Variants in BCAR3 observed in about 807,000 individuals in gnomAD.
BCAR3 encodes BCAR3 adaptor protein, NSP family member.
A neutral mutation model predicts 80.1 loss-of-function variants in BCAR3; 37 were observed. The ratio of observed to expected loss-of-function variants is 0.46; its 90% CI spans 0.36 to 0.61. The LOEUF is 0.61. BCAR3 is among the 20% of genes least tolerant of loss of function. The probability of loss-of-function intolerance (pLI) is 0.00; values close to 1 mark genes in which losing one functional copy is unlikely to be tolerated. For synonymous variants in BCAR3, 389 were observed against 418.9 expected (o/e 0.93, Z 0.87); for missense variants, 978 against 1,068.2 (o/e 0.92, Z 1.18).
chr1:93,836,944 A>C (rs2100843034), intron 2 of BCAR3, among the ~76,000 whole-genome samples: 1 of 151,442 alleles, frequency 6.6e-6, no homozygotes, highest in African/African-American at 2.4e-5. Context: ...TCCACTACCC[A>C]CCCAAATCCT....
In BCAR3 at chr1:93,561,885, T is replaced by A; in HGVS notation, c.*356A>T. 1.2e-5 allele frequency: 2 copies of A among 170,264 alleles called. No homozygotes were observed. Among genetic ancestry groups the A allele is most frequent in the Non-Finnish European group, 2.5e-5 (2 of 80,046 alleles). The allele number at this position is 170,264 out of a possible 1,614,324, so 10.5% of individuals were successfully genotyped here. A position where few individuals can be genotyped will look rare whatever the true frequency, so the allele number is the denominator to read the frequency against. On this transcript the variant is annotated 3_prime_UTR_variant, in exon 12 of 12. Transcript: ENST00000260502. ...AACTGATACCTTCTGAAATGTTTCATGCTTTTAAACTCTTCTATTTACACT... is the reference window on the plus strand; with the variant it reads ...AACTGATACCTTCTGAAATGTTTCAAGCTTTTAAACTCTTCTATTTACACT...
rs183855812 is a variant in BCAR3, at chr1:93,774,678, G to A, written c.-62-68536C>T. Among the ~76,000 whole-genome samples, 3 of 152,262 alleles carry A rather than the reference G, an allele frequency of 2.0e-5. No homozygotes were observed. In the East Asian group the frequency reaches 5.8e-4, roughly 29 times the overall value. ...GACCTGAAGTTATCTATCCCATTCA[G>A]GAGATCGTATGGCAAGAGCTTCACT... On this transcript the variant is annotated intron_variant, in intron 2 of 13. Coordinates refer to the BCAR3 transcript ENST00000370244.
At chr1:93,770,587 C>G (rs1652324462) in intron 2 of BCAR3, among the ~76,000 whole-genome samples, 1 of 152,096 alleles carries the variant, frequency 6.6e-6, no homozygotes, top group African/African-American at 2.4e-5. Context: ...TAGGATGGCA[C>G]ATAACCTGGG....
chr1:93,704,767 G>A (rs931574841), intron 3 of BCAR3, among the ~76,000 whole-genome samples: 13 of 152,178 alleles, frequency 8.5e-5, no homozygotes, highest in South Asian at 2.1e-4. Context: ...CTCATTATTC[G>A]AGGTAATAAC....
chr1:93,767,097 T>A, intron 2 of BCAR3, among the ~76,000 whole-genome samples: 1 of 152,186 alleles, frequency 6.6e-6, no homozygotes, highest in East Asian at 1.9e-4. Context: ...TTGACTGATT[T>A]TTGAATCTGG....
chr1:93,782,620 A>G (rs1342520812), intron 2 of BCAR3, among the ~76,000 whole-genome samples: 2 of 152,200 alleles, frequency 1.3e-5, no homozygotes, highest in African/African-American at 2.4e-5. Context: ...AGGACTGAGC[A>G]AACAGTGGAG....
chr1:93,630,477 T>C (rs1032933227), intron 3 of BCAR3, among the ~76,000 whole-genome samples: 3 of 146,130 alleles, frequency 2.1e-5, no homozygotes, highest in African/African-American at 7.6e-5. Flanking sequence ...AAAAAAAAAA[T>C]ACAAAAATCA....
At chr1:93,607,344 A>T (rs1283108055) in intron 3 of BCAR3, among the ~76,000 whole-genome samples, 1 of 152,134 alleles carries the variant, frequency 6.6e-6, no homozygotes, top group Non-Finnish European at 1.5e-5. Flanking sequence ...GAAAGACCAC[A>T]GCATGTTTCT....
At chr1:93,805,678 T>C (rs1653632754) in intron 2 of BCAR3, among the ~76,000 whole-genome samples, 1 of 152,178 alleles carries the variant, frequency 6.6e-6, no homozygotes, top group African/African-American at 2.4e-5. Context: ...TCAGCCTCCT[T>C]ATTGCCTCAG....
At chr1:93,843,898 A>C (rs1655051153) in intron 2 of BCAR3, among the ~76,000 whole-genome samples, 1 of 152,202 alleles carries the variant, frequency 6.6e-6, no homozygotes, top group Non-Finnish European at 1.5e-5. Context: ...ATTGAATAAA[A>C]CTGGTACTCC....
chr1:93,664,888 T>C (rs1201573564), intron 2 of BCAR3, among the ~76,000 whole-genome samples: 1 of 152,170 alleles, frequency 6.6e-6, no homozygotes, highest in East Asian at 1.9e-4. Context: ...TTGGCTGCTA[T>C]CTATCTGCCC....
intron 2 of BCAR3, among the ~76,000 whole-genome samples, chr1:93,732,876 A>G (rs967510320): frequency 3.9e-5 from 6 of 152,210 alleles, no homozygotes; most frequent in African/African-American, 9.6e-5. Context: ...GAACTGCACA[A>G]TGGTGCCCCT....
Position 93,781,718 on chromosome 1 carries a change from C to T in BCAR3, c.-63+63849G>A, listed in dbSNP as rs533662698. Among the ~76,000 whole-genome samples, 8 of 152,278 alleles carry T rather than the reference C, an allele frequency of 5.3e-5. No individual in the cohort carries two copies. In the South Asian group the frequency reaches 1.2e-3, roughly 24 times the overall value. ...ATGCTGGCTCTGCATCATAGGCATA[C>T]ATTTTGGGTTCTCAAATCCTCCTAT... On this transcript the variant is annotated intron_variant, in intron 2 of 13. Coordinates refer to the BCAR3 transcript ENST00000370244.
intron 2 of BCAR3, among the ~76,000 whole-genome samples, chr1:93,788,812 G>T (rs1653039276): frequency 6.6e-6 from 1 of 152,110 alleles, no homozygotes; most frequent in Non-Finnish European, 1.5e-5. Context: ...TCCATGCCAA[G>T]TCACTGCTCA....
At chr1:93,790,634 A>ATTTTTTTTTTTTTTTTTTAT (rs67196746) in intron 2 of BCAR3, among the ~76,000 whole-genome samples, 1 of 107,426 alleles carries the variant, frequency 9.3e-6, no homozygotes, top group Non-Finnish European at 1.8e-5. Flanking sequence ...TTTTGTATTC[A>ATTTTTTTTTTTTTTTTTTAT]TTTTTTTTTT....
rs573427283 is a variant in BCAR3, at chr1:93,634,218, A to T, written c.357+8086T>A. Among the ~76,000 whole-genome samples the T allele has an allele frequency of 7.9e-5, 12 of 152,318 alleles. No homozygotes were observed. In the South Asian group the frequency reaches 2.3e-3, roughly 29 times the overall value. On this transcript the variant is annotated intron_variant, in intron 3 of 11. Coordinates refer to ENST00000260502, the MANE Select transcript of BCAR3 (RefSeq NM_003567.4). ...CCTTTGAGACTGTCTACTTTCACTC[A>T]ACGTAATGTATTCAAGATTCACCCA...
At chr1:93,652,380 C>CT (rs2101920939) in intron 2 of BCAR3, among the ~76,000 whole-genome samples, 1 of 152,316 alleles carries the variant, frequency 6.6e-6, no homozygotes, top group East Asian at 1.9e-4. Context: ...TGCAGAAATG[C>CT]TGTGTCTACT....
At chr1:93,638,205 C>T (rs1010305337) in intron 3 of BCAR3, among the ~76,000 whole-genome samples, 10 of 152,122 alleles carry the variant, frequency 6.6e-5, no homozygotes, top group South Asian at 4.1e-4. Context: ...GCCAAGATTG[C>T]GCCACTGTAC....
chr1:93,816,662 C>A, intron 2 of BCAR3, among the ~76,000 whole-genome samples: 1 of 99,328 alleles, frequency 1.0e-5, no homozygotes, highest in African/African-American at 4.6e-5. Flanking sequence ...CAGAGCTAGA[C>A]TCCATCTCAA....
Sources: gnomAD v4.1 joint callset for allele counts (sites outside exome capture counted in the v4.1 genomes callset) on GRCh38, gnomAD v4.1.1 for gene constraint, MANE v1.5 for transcripts, NCBI Gene and HGNC (gene_info 2026-07-23, HGNC 2026-07-21) for gene names.